SLC40A1: variants seen among roughly 807,000 people sequenced by gnomAD.
SLC40A1 encodes solute carrier family 40 member 1.
A neutral mutation model predicts 53.5 loss-of-function variants in SLC40A1; 16 were observed. The ratio of observed to expected loss-of-function variants is 0.30; its 90% CI spans 0.20 to 0.45. The LOEUF is 0.45. Ranked by LOEUF, SLC40A1 falls within the 20% of genes least tolerant of loss-of-function variation. SLC40A1 has a pLI of 1.00. For missense variants in SLC40A1, 545 were observed against 695.4 expected (o/e 0.78, Z 2.43); for synonymous variants, 247 against 253.2 (o/e 0.98, Z 0.23).
At chr2:189,571,890 T>C in intron 4 of SLC40A1, 49 bp from the exon 5 acceptor site, 1 of 1,165,790 alleles carries the variant, frequency 8.6e-7, no homozygotes, top group Non-Finnish European at 1.3e-6. Context: ...TTTACCACAC[T>C]GTACATATGT....
At chr2:189,575,704 C>T (rs949627229) in intron 2 of SLC40A1, among the ~76,000 whole-genome samples, 3 of 152,186 alleles carry the variant, frequency 2.0e-5, no homozygotes, top group African/African-American at 7.2e-5. Flanking sequence ...AAGTAGTTTG[C>T]TATTGAACCA....
At chr2:189,573,619 T>C (rs756034475) in intron 3 of SLC40A1, among the ~76,000 whole-genome samples, 1 of 152,230 alleles carries the variant, frequency 6.6e-6, no homozygotes, top group Non-Finnish European at 1.5e-5. Context: ...AGTAGGCAGA[T>C]GATCTAGGGC....
chr2:189,565,449 A>G lies in SLC40A1; in HGVS notation c.665T>C (p.Leu222Pro), dbSNP rs2030907459. The change falls in exon 6 of 8, where the codon CTG (leucine) becomes CCG (proline). Residue 222 changes from leucine to proline, a missense_variant. Around this residue, in one of 4 missense-constraint regions of SLC40A1, gnomAD observed 197 missense variants for 278.8 expected, o/e 0.71. Transcript: ENST00000261024. ...GGTTTTCTGGTAAACCTTCCAGAGC[A>G]GAACGTACTCCACGCACATGGATAC... ...NLVSMCVEYV[L>P]LWKVYQKTPA... 1 of 1,614,278 alleles carries G rather than the reference A, an allele frequency of 6.2e-7. No individual in the cohort carries two copies. Among genetic ancestry groups the G allele is most frequent in the Non-Finnish European group, 8.5e-7 (1 of 1,180,046 alleles).
In SLC40A1 at chr2:189,561,081, G is replaced by T. The variant is rs530886053; in HGVS notation, c.*797C>A. The T allele has an allele frequency of 6.6e-6, 1 of 152,336 alleles. No individual in the cohort carries two copies. Among genetic ancestry groups the T allele is most frequent in the African/African-American group, 2.4e-5 (1 of 41,576 alleles). The allele number at this position is 152,336 out of a possible 1,614,324, so 9.4% of individuals were successfully genotyped here. A position where few individuals can be genotyped will look rare whatever the true frequency, so the allele number is the denominator to read the frequency against. ...CACAGATCACTAATGATGATAACAT[G>T]AGTTAAATTGGGATTCTTGCCCTTC... is the stretch of plus-strand genomic sequence containing the variant. On this transcript the variant is annotated 3_prime_UTR_variant, in exon 8 of 8. Coordinates refer to ENST00000261024, the MANE Select transcript of SLC40A1 (RefSeq NM_014585.6).
chr2:189,574,763 C>T (rs1022625596), intron 3 of SLC40A1, among the ~76,000 whole-genome samples: 1 of 152,108 alleles, frequency 6.6e-6, no homozygotes, highest in African/African-American at 2.4e-5. Flanking sequence ...TTACATGAAA[C>T]ATAGTAACCA....
At chr2:189,573,224 A>G (rs937872018) in intron 3 of SLC40A1, among the ~76,000 whole-genome samples, 16 of 152,182 alleles carry the variant, frequency 1.1e-4, no homozygotes, top group African/African-American at 3.9e-4. Flanking sequence ...TAATGACTAC[A>G]TTTTCATTTA....
chr2:189,575,281 C>A lies in SLC40A1; in HGVS notation c.151G>T (p.Val51Leu). 6.2e-7 allele frequency: 1 copy of A among 1,614,034 alleles called. No individual in the cohort carries two copies. The highest frequency in any genetic ancestry group is 8.5e-7 in the Non-Finnish European group (1 of 1,179,940). The change falls in exon 3 of 8, where the codon GTA becomes TTA. Residue 51 changes from valine (V) to leucine (L), a missense_variant. Transcript: ENST00000261024. ...MWHFAVSVFL[V>L]ELYGNSLLLT... is the part of the protein sequence containing the mutation. ...AGGAGGCTGTTTCCATAGAGCTCTA[C>A]CAGAAACACAGACACCGCAAAGTGC...
At chr2:189,565,624 G>A (rs1325344124) in intron 5 of SLC40A1, 25 bp from the exon 6 acceptor site, 1 of 1,614,032 alleles carries the variant, frequency 6.2e-7, no homozygotes, top group Non-Finnish European at 8.5e-7. Flanking sequence ...GAAAGAGGCA[G>A]GTAAGTGTGC....
Position 189,563,762 on chromosome 2 carries a change from G to A in SLC40A1, c.1224C>T (p.Ile408=). ...ACTCTCCTTGAATGAACCTTGATCG[G>A]ATATCTTCAAAAGGAGAAACGGACA... ...LDLSVSPFED[I]RSRFIQGESI... Residue 408 remains isoleucine, a synonymous_variant, in exon 7 of 8, where the codon ATC becomes ATT. Transcript: ENST00000261024. 6.2e-7 allele frequency: 1 copy of A among 1,614,120 alleles called. No homozygotes were observed. Among genetic ancestry groups the A allele is most frequent in the Non-Finnish European group, 8.5e-7 (1 of 1,180,018 alleles).
intron 5 of SLC40A1, among the ~76,000 whole-genome samples, chr2:189,568,097 A>G (rs1304517377): frequency 6.6e-6 from 1 of 152,030 alleles, no homozygotes; most frequent in East Asian, 1.9e-4. Context: ...CTTTTATATT[A>G]TACTTAGAAA....
rs182470100 is a variant in SLC40A1 at position 189,561,940 on chromosome 2, C to T, written c.1654G>A (p.Ala552Thr). 120 of 1,614,120 alleles carry T rather than the reference C, an allele frequency of 7.4e-5. No homozygotes were observed. In the East Asian group the frequency reaches 2.2e-3, roughly 30 times the overall value. ...ACTTCTTTTGCATCAGGACCGCAAGCAAAGAGCTTGTTTCCCAGAGTATTT... is the reference window on the plus strand; with the variant it reads ...ACTTCTTTTGCATCAGGACCGCAAGTAAAGAGCTTGTTTCCCAGAGTATTT... ...AQNTLGNKLF[A>T]CGPDAKEVRK... The change falls in exon 8 of 8, where the codon GCT becomes ACT. Residue 552 changes from alanine to threonine, a missense_variant. Ala to Thr is a moderately conservative substitution (Grantham distance 58, BLOSUM62 0). Around this residue, in one of 4 missense-constraint regions of SLC40A1, gnomAD observed 234 missense variants for 299.0 expected, o/e 0.78. Coordinates refer to ENST00000261024, the MANE Select transcript of SLC40A1 (RefSeq NM_014585.6).
chr2:189,577,659 G>A (rs2031331844), intron 2 of SLC40A1, among the ~76,000 whole-genome samples: 1 of 143,896 alleles, frequency 6.9e-6, no homozygotes, highest in Non-Finnish European at 1.5e-5. Context: ...CTGTTGTCCA[G>A]GCTGGAGTGT....
chr2:189,576,189 C>T (rs1489198039), intron 2 of SLC40A1, among the ~76,000 whole-genome samples: 5 of 152,160 alleles, frequency 3.3e-5, no homozygotes, highest in African/African-American at 9.7e-5. Flanking sequence ...CCATCCCTGA[C>T]TTCTGAAATT....
chr2:189,563,591 A>G lies in SLC40A1; in HGVS notation c.1395T>C (p.Ala465=), dbSNP rs201434761. ...TAAAAAGAGATTTCTTACCGATTCT[A>G]GCAGCAATGACGCCTGCAAACAGCA... ...VSLLFAGVIA[A]RIGLWSFDLT... The change falls in exon 7 of 8, where the codon GCT becomes GCC. Residue 465 remains alanine (A), a synonymous_variant. Coordinates refer to ENST00000261024, the MANE Select transcript of SLC40A1 (RefSeq NM_014585.6). The G allele has an allele frequency of 3.1e-5, 50 of 1,613,598 alleles. No individual in the cohort carries two copies. The highest frequency in any genetic ancestry group is 2.5e-5 in the Non-Finnish European group (29 of 1,179,856).
Position 189,572,870 on chromosome 2 carries a change from C to T in SLC40A1, c.363G>A (p.Leu121=). Residue 121 remains leucine, a synonymous_variant, in exon 4 of 8, where the codon CTG becomes CTA. Transcript: ENST00000261024. ...CGAGAACCCATCCATGGTACATGGT[C>T]AGAAGCTCATGTTTATGTAAGAAAA... ...MMVFLHKHEL[L]TMYHGWVLTS... 2.5e-6 allele frequency: 4 copies of T among 1,613,396 alleles called. No individual in the cohort carries two copies. The highest frequency in any genetic ancestry group is 3.4e-6 in the Non-Finnish European group (4 of 1,179,366).
At position 189,561,332 on chromosome 2, in the gene SLC40A1, T is replaced by G. The variant is rs2030732075; in HGVS notation, c.*546A>C. 1.9e-5 allele frequency: 3 copies of G among 155,068 alleles called. No homozygotes were observed. The highest frequency in any genetic ancestry group is 7.2e-5 in the African/African-American group (3 of 41,474). The allele number at this position is 155,068 out of a possible 1,614,324, so 9.6% of individuals were successfully genotyped here. On this transcript the variant is annotated 3_prime_UTR_variant, in exon 8 of 8. Coordinates refer to ENST00000261024, the MANE Select transcript of SLC40A1 (RefSeq NM_014585.6). ...CTAAACCATAAACCTTATTAGAGAA[T>G]TCTAGTTAAGTGTTTTGTTTTTCCA...
rs1574236070 is a variant in SLC40A1 at position 189,562,061 on chromosome 2, G to A, written c.1533C>T (p.Val511=). Reference sequence around the variant, plus strand: ...AAGCTTCAGGATTTGGAGCCAGGATGACCATGATGAAATGCAGAAGATCAA... The same window carrying A: ...AAGCTTCAGGATTTGGAGCCAGGATAACCATGATGAAATGCAGAAGATCAA... The part of the protein sequence containing the change: ...YLLDLLHFIM[V]ILAPNPEAFG... Residue 511 remains valine (V), a synonymous_variant, in exon 8 of 8, where the codon GTC becomes GTT. Coordinates refer to ENST00000261024, the MANE Select transcript of SLC40A1 (RefSeq NM_014585.6). 1 of 1,614,060 alleles carries A rather than the reference G, an allele frequency of 6.2e-7. No homozygotes were observed. Among genetic ancestry groups the A allele is most frequent in the Non-Finnish European group, 8.5e-7 (1 of 1,179,982 alleles).
chr2:189,572,987 A>G (rs187227844), intron 3 of SLC40A1, 26 bp from the exon 4 acceptor site: 29 of 1,460,406 alleles, frequency 2.0e-5, no homozygotes, highest in Non-Finnish European at 2.7e-5. Context: ...GAGAAAGTGT[A>G]CATTACATCA....
chr2:189,573,336 T>G (rs567939189), intron 3 of SLC40A1, among the ~76,000 whole-genome samples: 142 of 152,332 alleles, frequency 9.3e-4, no homozygotes, highest in African/African-American at 3.2e-3. Context: ...ATAACATGTA[T>G]GAGGTTAAAG....
Sources: gnomAD v4.1 joint callset for allele counts (sites outside exome capture counted in the v4.1 genomes callset) on GRCh38, gnomAD v4.1.1 for gene constraint, gnomAD v4.1.1 regional missense constraint, MANE v1.5 for transcripts, NCBI Gene and HGNC (gene_info 2026-07-23, HGNC 2026-07-21) for gene names.